MSI1: variants seen among roughly 807,000 people sequenced by gnomAD.
The protein encoded by MSI1 is RNA-binding protein Musashi homolog 1.
Under a neutral mutation model 54.4 loss-of-function variants are expected in MSI1, and 15 were observed. The observed-to-expected ratio is 0.28, with a 90% CI of 0.18 to 0.42. The LOEUF is 0.42. Among genes scored for constraint, MSI1 ranks in the 20% least tolerant of loss-of-function variants. The pLI is 1.00. For synonymous variants in MSI1, 200 were observed against 196.5 expected (o/e 1.02, Z -0.15); for missense variants, 304 against 506.0 (o/e 0.60, Z 3.83).
At chr12:120,348,800 G>A (rs1192584438) in intron 11 of MSI1, among the ~76,000 whole-genome samples, 2 of 152,112 alleles carry the variant, frequency 1.3e-5, no homozygotes, top group Non-Finnish European at 2.9e-5. Flanking sequence ...GGCTGAGACA[G>A]GAGAATCGCT....
At position 120,342,153 on chromosome 12, in the gene MSI1, C is replaced by T. The variant is rs1464407161; in HGVS notation, c.*974G>A. The T allele has an allele frequency of 6.5e-6, 1 of 153,166 alleles. No homozygotes were observed. Among genetic ancestry groups the T allele is most frequent in the Non-Finnish European group, 1.5e-5 (1 of 68,464 alleles). The allele number at this position is 153,166 out of a possible 1,614,324, so 9.5% of individuals were successfully genotyped here. On this transcript the variant is annotated 3_prime_UTR_variant, in exon 15 of 15. Transcript: ENST00000257552. Reference sequence around the variant, plus strand: ...TGAGCAGAAACCATGAAGCCCCAACCTAGGTAGGGAGCAGGGGAGACCTTT... The same window carrying T: ...TGAGCAGAAACCATGAAGCCCCAACTTAGGTAGGGAGCAGGGGAGACCTTT...
At chr12:120,362,678 A>G (rs945992387) in intron 6 of MSI1, among the ~76,000 whole-genome samples, 5 of 152,184 alleles carry the variant, frequency 3.3e-5, no homozygotes, top group African/African-American at 7.2e-5. Flanking sequence ...GGAAAGGTTC[A>G]ATAGCCTGTG....
intron 5 of MSI1, 68 bp downstream of exon 5, chr12:120,364,646 T>C: frequency 6.9e-7 from 1 of 1,440,342 alleles, no homozygotes; most frequent in Non-Finnish European, 9.4e-7. Flanking sequence ...GAGCAGGAAA[T>C]ACTGGGAAAA....
chr12:120,348,608 G>T (rs149191120), intron 11 of MSI1, among the ~76,000 whole-genome samples: 73 of 151,768 alleles, frequency 4.8e-4, no homozygotes, highest in African/African-American at 1.7e-3. Context: ...GAAAGGCTGG[G>T]TGCGGTGGCT....
chr12:120,352,697 C>A (rs932776318), intron 10 of MSI1, among the ~76,000 whole-genome samples: 3 of 151,388 alleles, frequency 2.0e-5, no homozygotes, highest in Non-Finnish European at 3.0e-5. Context: ...AAATAAATGG[C>A]CTTGCAAAAG....
rs1170062342 is a variant in MSI1, at chr12:120,346,221, C to T, written c.961G>A (p.Gly321Arg). 7 of 1,597,360 alleles carry T rather than the reference C, an allele frequency of 4.4e-6. No individual in the cohort carries two copies. The highest frequency in any genetic ancestry group is 2.3e-5 in the South Asian group (2 of 88,098). The change falls in exon 13 of 15, where the codon GGG becomes AGG. Residue 321 changes from glycine (G) to arginine (R), a missense_variant. Around this residue, in one of 4 missense-constraint regions of MSI1, gnomAD observed 147 missense variants for 231.5 expected, o/e 0.64. Transcript: ENST00000257552. ...ACCCCCGAGTCCTGGTTGGCCGCCC[C>T]GTAGAGCTCGGCCATGGGGCCGGGG... is the stretch of plus-strand genomic sequence containing the variant. ...TSPGPMAELY[G>R]AANQDSGVSS...
chr12:120,365,058 G>C (rs370623599), intron 4 of MSI1, among the ~76,000 whole-genome samples: 2 of 152,014 alleles, frequency 1.3e-5, no homozygotes, highest in African/African-American at 2.4e-5. Flanking sequence ...TTACAGGTGC[G>C]CACCACCACA....
rs1325503281 is a variant in MSI1, at chr12:120,342,744, C to T, written c.*383G>A. On this transcript the variant is annotated 3_prime_UTR_variant, in exon 15 of 15. Transcript: ENST00000257552. ...GGCTGCGGCCTGTAGCAGGCTCCCT[C>T]CGCCTTCACTCCAGCTATGCACAAA... 6.6e-6 allele frequency: 1 copy of T among 151,166 alleles called. No homozygotes were observed. Among genetic ancestry groups the T allele is most frequent in the Non-Finnish European group, 1.5e-5 (1 of 67,884 alleles). The allele number at this position is 151,166 out of a possible 1,614,324, so 9.4% of individuals were successfully genotyped here.
At chr12:120,340,911 A>G (rs1308833171), downstream of MSI1, among the ~76,000 whole-genome samples, 1 of 134,450 alleles carries the variant, frequency 7.4e-6, no homozygotes, top group African/African-American at 2.8e-5. Flanking sequence ...TTTTTGAGAC[A>G]GAGTCTCACT....
intron 14 of MSI1, 42 bp downstream of exon 14, chr12:120,345,528 C>T (rs554250189): frequency 5.0e-5 from 79 of 1,582,956 alleles, no homozygotes; most frequent in Non-Finnish European, 3.6e-5. Context: ...GGACAGGCTT[C>T]CCCAGTGCCA....
intron 4 of MSI1, among the ~76,000 whole-genome samples, chr12:120,366,312 A>G (rs1185260333): frequency 6.6e-6 from 1 of 152,178 alleles, no homozygotes; most frequent in Non-Finnish European, 1.5e-5. Flanking sequence ...CCCCACTGGA[A>G]TCTGTCCACA....
In MSI1 at chr12:120,368,367, C is replaced by A. The variant is rs1449886007; in HGVS notation, c.101-94G>T. The stretch of plus-strand genomic sequence containing the variant: ...CCCGGTGACCCCGGAGCGGCCCGGC[C>A]GCCCCCGCGCCAAGCTGCCCGCGCG... On this transcript the variant is annotated intron_variant, in intron 2 of 14. Coordinates refer to ENST00000257552, the MANE Select transcript of MSI1 (RefSeq NM_002442.4). The surrounding 1 kb of genome is among the most constrained non-coding windows in gnomAD (Gnocchi z 6.6). The A allele has an allele frequency of 7.5e-7, 1 of 1,341,278 alleles. No individual in the cohort carries two copies. Among genetic ancestry groups the A allele is most frequent in the Non-Finnish European group, 1.0e-6 (1 of 993,384 alleles). 83.1% of individuals were successfully genotyped at this position (1,341,278 alleles called of 1,614,324 possible).
chr12:120,345,507 T>A, intron 14 of MSI1, 63 bp downstream of exon 14: 1 of 1,470,582 alleles, frequency 6.8e-7, no homozygotes, highest in Non-Finnish European at 9.5e-7. Context: ...TGTCCCAGAT[T>A]CGATGGCCCA....
At chr12:120,361,641 C>T (rs1414713114) in intron 6 of MSI1, 1 of 151,226 alleles carries the variant, frequency 6.6e-6, no homozygotes, top group Non-Finnish European at 1.5e-5. Flanking sequence ...GCCGAGCCGC[C>T]AAGTTCGGCG....
chr12:120,364,693 C>T (rs368434505), intron 5 of MSI1, 21 bp downstream of exon 5: 50 of 1,576,640 alleles, frequency 3.2e-5, no homozygotes, highest in Non-Finnish European at 4.2e-5. Flanking sequence ...GAGAGCTCCT[C>T]CCAGACATAG....
At chr12:120,355,030 CAAAAAAA>C (rs71076610) in intron 9 of MSI1, among the ~76,000 whole-genome samples, 1 of 44,098 alleles carries the variant, frequency 2.3e-5, no homozygotes, top group Non-Finnish European at 3.8e-5. Context: ...CCGTCTCTAC[CAAAAAAA>C]AAAAAAAAAA....
chr12:120,345,283 G>A (rs1260171381), intron 14 of MSI1, among the ~76,000 whole-genome samples: 1 of 152,164 alleles, frequency 6.6e-6, no homozygotes, highest in East Asian at 1.9e-4. Context: ...CTTGAGCCCA[G>A]GAGGTGTGGG....
At chr12:120,363,250 C>A in intron 5 of MSI1, 115 bp from the exon 6 acceptor site, 1 of 822,922 alleles carries the variant, frequency 1.2e-6, no homozygotes, top group Non-Finnish European at 1.9e-6. Context: ...GTGGCCCCAG[C>A]CTCTTTAAAG....
chr12:120,354,385 C>T (rs866380585), intron 9 of MSI1, among the ~76,000 whole-genome samples: 3 of 151,800 alleles, frequency 2.0e-5, no homozygotes, highest in African/African-American at 7.3e-5. Context: ...TGACGGGCTC[C>T]AAGCCTCTTA....
Sources: gnomAD v4.1 joint callset for allele counts (sites outside exome capture counted in the v4.1 genomes callset) on GRCh38, gnomAD v4.1.1 for gene constraint, gnomAD v4.1.1 regional missense constraint, Gnocchi (gnomAD v3.1) non-coding constraint, MANE v1.5 for transcripts, NCBI Gene and HGNC (gene_info 2026-07-23, HGNC 2026-07-21) for gene names.